Variants in TPX2 observed in about 807,000 individuals in gnomAD.
TPX2 encodes targeting protein for Xklp2.
Under a neutral mutation model 93.6 loss-of-function variants are expected in TPX2, and 21 were observed. The ratio of observed to expected loss-of-function variants is 0.22; its 90% CI spans 0.16 to 0.32. TPX2 has a LOEUF of 0.32. Among genes scored for constraint, TPX2 ranks in the 10% least tolerant of loss-of-function variants. The probability of loss-of-function intolerance (pLI) is 1.00; values close to 1 mark genes in which losing one functional copy is unlikely to be tolerated. For missense variants in TPX2, 776 were observed against 871.1 expected (o/e 0.89, Z 1.37); for synonymous variants, 281 against 298.3 (o/e 0.94, Z 0.60).
At chr20:31,771,813 AC>A in intron 7 of TPX2, 131 bp downstream of exon 7, 1 of 1,014,150 alleles carries the variant, frequency 9.9e-7, no homozygotes, top group East Asian at 2.7e-5. Flanking sequence ...GTGAATTGTT[AC>A]ATGTGTCCTG....
At chr20:31,763,542 A>G (rs1004981936) in intron 4 of TPX2, among the ~76,000 whole-genome samples, 2 of 152,022 alleles carry the variant, frequency 1.3e-5, no homozygotes, top group South Asian at 2.1e-4. Flanking sequence ...TGTTCCATCA[A>G]TTAGAGAGAG....
intron 12 of TPX2, among the ~76,000 whole-genome samples, chr20:31,785,625 G>C (rs542757621): frequency 6.6e-6 from 1 of 152,122 alleles, no homozygotes; most frequent in African/African-American, 2.4e-5. Flanking sequence ...AGCCTCCCGA[G>C]TAGTTGGGAT....
intron 12 of TPX2, among the ~76,000 whole-genome samples, chr20:31,784,348 G>A (rs1226864495): frequency 6.6e-6 from 1 of 152,132 alleles, no homozygotes; most frequent in Non-Finnish European, 1.5e-5. Flanking sequence ...TCATATATTA[G>A]CCCATTAGTT....
intron 1 of TPX2, 67 bp downstream of exon 1, chr20:31,739,688 A>C (rs552408606): frequency 2.0e-5 from 3 of 152,352 alleles, no homozygotes; most frequent in Non-Finnish European, 4.4e-5. Flanking sequence ...AGCACCCTGC[A>C]TGCCCGTTCT....
chr20:31,767,293 C>T (rs982951314), intron 5 of TPX2, among the ~76,000 whole-genome samples: 1 of 152,144 alleles, frequency 6.6e-6, no homozygotes, highest in Non-Finnish European at 1.5e-5. Context: ...AATCTGTTTC[C>T]AAAGGCCTTG....
intron 12 of TPX2, among the ~76,000 whole-genome samples, chr20:31,785,365 A>G (rs1270050442): frequency 6.6e-6 from 1 of 152,220 alleles, no homozygotes; most frequent in Admixed American, 6.5e-5. Context: ...GGTTATATGC[A>G]AACCTCAGAG....
chr20:31,766,547 C>T lies in TPX2; in HGVS notation c.230-9C>T, dbSNP rs1202091290. On this transcript the variant is annotated splice_polypyrimidine_tract_variant and intron_variant, in intron 4 of 17. Transcript: ENST00000300403. The stretch of plus-strand genomic sequence containing the variant: ...CTTTGAGTGCTGACTAGCTTTTGGT[C>T]TTCCGCAGTTGACAACACTTACTAC... 1 of 1,606,822 alleles carries T rather than the reference C, an allele frequency of 6.2e-7. No individual in the cohort carries two copies. The highest frequency in any genetic ancestry group is 1.7e-5 in the Admixed American group (1 of 59,186).
At chr20:31,780,518 T>C (rs2062026812) in intron 10 of TPX2, among the ~76,000 whole-genome samples, 1 of 152,232 alleles carries the variant, frequency 6.6e-6, no homozygotes, top group South Asian at 2.1e-4. Flanking sequence ...TATGTCCTGC[T>C]TTCAGAATAC....
intron 10 of TPX2, 31 bp from the exon 11 acceptor site, chr20:31,782,218 C>T: frequency 1.3e-6 from 2 of 1,586,090 alleles, no homozygotes; most frequent in Non-Finnish European, 1.7e-6. Context: ...TCTTGCGGAT[C>T]TAGATGAACA....
chr20:31,781,573 C>A lies in TPX2; in HGVS notation c.1055-676C>A, dbSNP rs1268657384. Among the ~76,000 whole-genome samples, 3 of 151,938 alleles carry A rather than the reference C, an allele frequency of 2.0e-5. No homozygotes were observed. In the South Asian group the frequency reaches 6.2e-4, roughly 32 times the overall value. ...AGCCACTGTGACCGGCCAGGAAGGCCTTATATCTTAAAGCTGGAATAAGCA... is the reference window on the plus strand; with the variant it reads ...AGCCACTGTGACCGGCCAGGAAGGCATTATATCTTAAAGCTGGAATAAGCA... On this transcript the variant is annotated intron_variant, in intron 10 of 17. Coordinates refer to ENST00000300403, the MANE Select transcript of TPX2 (RefSeq NM_012112.5).
Position 31,784,126 on chromosome 20 carries a change from A to G in TPX2, c.1413+205A>G, listed in dbSNP as rs192448726. Among the ~76,000 whole-genome samples the G allele has an allele frequency of 1.4e-4, 22 of 152,346 alleles. 1 individual carries two copies. The highest frequency in any genetic ancestry group is 6.8e-3 in the Middle Eastern group (2 of 294). ...ACAATATATGTGTGAATAATAGAAA[A>G]TGGACAGAAGTGTTCTGAGAGAGAT... is the stretch of plus-strand genomic sequence containing the variant. On this transcript the variant is annotated intron_variant, in intron 12 of 17. Transcript: ENST00000300403.
At chr20:31,795,132 ACT>A (rs1779102176) in intron 15 of TPX2, among the ~76,000 whole-genome samples, 1 of 133,462 alleles carries the variant, frequency 7.5e-6, no homozygotes, top group South Asian at 2.4e-4. Flanking sequence ...CATGTTTTCA[ACT>A]CTTTTTTTGT....
At chr20:31,800,905 T>C (rs1456076980) in intron 17 of TPX2, 65 bp from the exon 18 acceptor site, 1 of 1,319,950 alleles carries the variant, frequency 7.6e-7, no homozygotes, top group Non-Finnish European at 1.1e-6. Flanking sequence ...AAGAAAAAAA[T>C]AAAAGCAATT....
At chr20:31,754,234 C>T (rs117973647) in intron 2 of TPX2, among the ~76,000 whole-genome samples, 3,342 of 152,064 alleles carry the variant, frequency 0.022, 50 homozygotes, top group Non-Finnish European at 0.029. Context: ...GGTGCAGCCA[C>T]CACCCCAGGC....
At chr20:31,791,091 C>G (rs111570194) in intron 12 of TPX2, among the ~76,000 whole-genome samples, 1 of 151,992 alleles carries the variant, frequency 6.6e-6, no homozygotes, top group African/African-American at 2.4e-5. Context: ...ATCAGTAGTT[C>G]GTTGTGGTTG....
chr20:31,777,462 A>G (rs1379711861), intron 8 of TPX2, 25 bp from the exon 9 acceptor site: 2 of 1,607,866 alleles, frequency 1.2e-6, no homozygotes, highest in Non-Finnish European at 1.7e-6. Flanking sequence ...TGTTGTCTGT[A>G]TGTTTTACTG....
At chr20:31,753,113 C>A (rs984446864) in intron 2 of TPX2, among the ~76,000 whole-genome samples, 4 of 152,090 alleles carry the variant, frequency 2.6e-5, no homozygotes, top group Admixed American at 6.6e-5. Context: ...ACCAAAGAAC[C>A]CCTATTCCAG....
chr20:31,782,723 A>G (rs527984178), intron 11 of TPX2, among the ~76,000 whole-genome samples: 2 of 152,114 alleles, frequency 1.3e-5, no homozygotes, highest in African/African-American at 2.4e-5. Context: ...CCCCATCTCT[A>G]CAACAAATAC....
At chr20:31,774,814 A>T (rs2061985765) in intron 7 of TPX2, among the ~76,000 whole-genome samples, 1 of 152,138 alleles carries the variant, frequency 6.6e-6, no homozygotes, top group Non-Finnish European at 1.5e-5. Context: ...TGTGTTGCCT[A>T]GGCTGGTCTT....
Sources: allele counts gnomAD v4.1 joint callset (sites outside exome capture counted in the v4.1 genomes callset), GRCh38; gene constraint gnomAD v4.1.1; transcripts MANE v1.5; gene names NCBI Gene and HGNC (gene_info 2026-07-23, HGNC 2026-07-21).